Variants in HCRTR2 observed in about 807,000 individuals in gnomAD.
HCRTR2 encodes the protein orexin receptor type 2.
In HCRTR2, 22 loss-of-function variants were observed where a neutral mutation model predicts 49.0. That is an observed-to-expected ratio of 0.45 (90% CI 0.32 to 0.64). The LOEUF is 0.64. HCRTR2 is among the 30% of genes least tolerant of loss of function. The probability of loss-of-function intolerance (pLI) is 0.04; values close to 1 mark genes in which losing one functional copy is unlikely to be tolerated. For missense variants in HCRTR2, 491 were observed against 559.4 expected (o/e 0.88, Z 1.23); for synonymous variants, 236 against 205.3 (o/e 1.15, Z -1.28).
At chr6:55,242,307 C>A (rs1473619181) in intron 1 of HCRTR2, among the ~76,000 whole-genome samples, 1 of 152,096 alleles carries the variant, frequency 6.6e-6, no homozygotes, top group Non-Finnish European at 1.5e-5. Flanking sequence ...ACCTCCAGAA[C>A]ATTTAAAATT....
intron 1 of HCRTR2, among the ~76,000 whole-genome samples, chr6:55,210,425 T>C (rs771064365): frequency 2.0e-5 from 3 of 152,106 alleles, no homozygotes; most frequent in Non-Finnish European, 2.9e-5. Flanking sequence ...TCACTGAATA[T>C]ATCAGGGGTG....
downstream of HCRTR2, chr6:55,282,694 A>C (rs1767220985): frequency 2.2e-6 from 1 of 459,528 alleles, no homozygotes; most frequent in Non-Finnish European, 3.6e-6. Flanking sequence ...TTTCACTTTT[A>C]GTTTCATGTA....
At chr6:55,262,227 C>T (rs962972788) in intron 3 of HCRTR2, among the ~76,000 whole-genome samples, 1 of 149,890 alleles carries the variant, frequency 6.7e-6, no homozygotes, top group African/African-American at 2.5e-5. Flanking sequence ...ATTCATGTAA[C>T]CAAACACCAA....
At chr6:55,207,703 G>T (rs1351700591) in intron 1 of HCRTR2, among the ~76,000 whole-genome samples, 1 of 152,288 alleles carries the variant, frequency 6.6e-6, no homozygotes, top group Non-Finnish European at 1.5e-5. Flanking sequence ...GCAGTTCATT[G>T]TACCAGGGCC....
chr6:55,154,867 A>G (rs77296727), intron 1 of HCRTR2, among the ~76,000 whole-genome samples: 8,387 of 151,852 alleles, frequency 0.055, 329 homozygotes, highest in African/African-American at 0.11. Context: ...GAGCAAAGAA[A>G]TGAATTCAGT....
intron 1 of HCRTR2, among the ~76,000 whole-genome samples, chr6:55,120,746 C>G (rs1764186608): frequency 6.6e-6 from 1 of 151,912 alleles, no homozygotes; most frequent in Admixed American, 6.6e-5. Context: ...CCATTTATTG[C>G]TTTCTCTTGT....
chr6:55,174,491 CCT>C (rs1421074738), upstream of HCRTR2: 1 of 1,033,670 alleles, frequency 9.7e-7, no homozygotes, highest in African/African-American at 1.6e-5. Context: ...CCCCTTCTAG[CCT>C]CTCCGCGCAG....
chr6:55,208,395 G>A (rs1028112748), intron 1 of HCRTR2, among the ~76,000 whole-genome samples: 4 of 151,740 alleles, frequency 2.6e-5, no homozygotes, highest in African/African-American at 9.7e-5. Flanking sequence ...GGGAGGCTGA[G>A]GTGAGAGAAT....
chr6:55,120,539 A>G (rs186370207), intron 1 of HCRTR2, among the ~76,000 whole-genome samples: 15 of 151,182 alleles, frequency 9.9e-5, no homozygotes, highest in Non-Finnish European at 2.1e-4. Context: ...GAGTTCACTC[A>G]TGATTTGGCT....
In HCRTR2 at chr6:55,114,087, G is replaced by A. The variant is rs571527314; in HGVS notation, c.-378+7542G>A. Among the ~76,000 whole-genome samples, 5 of 151,536 alleles carry A rather than the reference G, an allele frequency of 3.3e-5. No individual in the cohort carries two copies. The South Asian group carries it at 1.0e-3, about 31-fold the overall frequency. On this transcript the variant is annotated intron_variant, in intron 1 of 7. Transcript: ENST00000615358. The stretch of plus-strand genomic sequence containing the variant: ...TCTCACTCTTAAGTGAAAATGCAAA[G>A]GCATAAGAATGATACAATGGACTTT...
At chr6:55,218,005 A>T (rs1294381495) in intron 1 of HCRTR2, among the ~76,000 whole-genome samples, 1 of 152,220 alleles carries the variant, frequency 6.6e-6, no homozygotes, top group Non-Finnish European at 1.5e-5. Flanking sequence ...ACCAAGGTCA[A>T]GGGTACGTAT....
intron 1 of HCRTR2, among the ~76,000 whole-genome samples, chr6:55,136,801 C>G (rs546322621): frequency 8.4e-4 from 128 of 152,264 alleles, no homozygotes; most frequent in African/African-American, 3.0e-3. Flanking sequence ...AGGCTCCTTT[C>G]TCACTTGCGC....
At position 55,195,445 on chromosome 6, in the gene HCRTR2, G is replaced by A. The variant is rs552825577; in HGVS notation, c.223+20635G>A. 3.6e-3 allele frequency among the ~76,000 whole-genome samples: 554 copies of A among 152,234 alleles called. 5 individuals carry two copies. The highest frequency in any genetic ancestry group is 0.013 in the African/African-American group (524 of 41,540). ...TAACTGAAACAGGCATAGAAAGAAA[G>A]TAAGAAGGAATACAATCCTGAACAT... On this transcript the variant is annotated intron_variant, in intron 1 of 6. Coordinates refer to ENST00000370862, the MANE Select transcript of HCRTR2 (RefSeq NM_001384272.1).
chr6:55,203,275 C>T (rs1182727127), intron 1 of HCRTR2, among the ~76,000 whole-genome samples: 1 of 152,174 alleles, frequency 6.6e-6, no homozygotes, highest in African/African-American at 2.4e-5. Flanking sequence ...TAGCTCCAAG[C>T]TCAAAGAATA....
chr6:55,215,703 G>A (rs1337045460), intron 1 of HCRTR2, among the ~76,000 whole-genome samples: 3 of 152,154 alleles, frequency 2.0e-5, no homozygotes, highest in Non-Finnish European at 4.4e-5. Flanking sequence ...AAGTCAAAGT[G>A]TAGAGTTTTA....
chr6:55,173,926 T>G (rs551653552), upstream of HCRTR2, among the ~76,000 whole-genome samples: 6 of 152,318 alleles, frequency 3.9e-5, no homozygotes, highest in Admixed American at 2.6e-4. Flanking sequence ...TTAAAGTGTT[T>G]GCCTGGAATG....
chr6:55,180,965 A>AAT (rs773460009), intron 1 of HCRTR2, among the ~76,000 whole-genome samples: 3 of 139,356 alleles, frequency 2.2e-5, no homozygotes, highest in Non-Finnish European at 4.6e-5. Context: ...ATGCCCAGCT[A>AAT]TTTTTTTTTT....
At chr6:55,283,702 C>T (rs1200494955), downstream of HCRTR2, among the ~76,000 whole-genome samples, 4 of 152,104 alleles carry the variant, frequency 2.6e-5, no homozygotes, top group African/African-American at 9.7e-5. Context: ...TGATTTTCAT[C>T]TCCTATTATG....
At chr6:55,232,464 C>A (rs1766133953) in intron 1 of HCRTR2, among the ~76,000 whole-genome samples, 2 of 152,136 alleles carry the variant, frequency 1.3e-5, no homozygotes, top group Non-Finnish European at 2.9e-5. Flanking sequence ...CTAACTTTCT[C>A]CGACATGTTG....
Sources: gnomAD v4.1 joint callset for allele counts (sites outside exome capture counted in the v4.1 genomes callset) on GRCh38, gnomAD v4.1.1 for gene constraint, MANE v1.5 for transcripts, NCBI Gene and HGNC (gene_info 2026-07-23, HGNC 2026-07-21) for gene names.